ACAD9: variants seen among roughly 807,000 people sequenced by gnomAD.
The protein encoded by ACAD9 is acyl-CoA dehydrogenase family member 9.
In ACAD9, 53 loss-of-function variants were observed where a neutral mutation model predicts 70.2. The ratio of observed to expected loss-of-function variants is 0.75; its 90% CI spans 0.61 to 0.95. The LOEUF (loss-of-function observed/expected upper bound fraction) is 0.95. ACAD9 is among the 40% of genes least tolerant of loss of function. ACAD9 has a pLI of 0.00. For synonymous variants in ACAD9, 313 were observed against 312.1 expected, an observed-to-expected ratio of 1.00 and a Z score of -0.03; for missense variants, 777 against 802.8, an observed-to-expected ratio of 0.97 and a Z score of 0.39.
intron 13 of ACAD9, chr3:128,908,582 T>C (rs2093887940): frequency 1.8e-6 from 1 of 555,886 alleles, no homozygotes; most frequent in African/African-American, 1.9e-5. Context: ...GTGCCAGGCC[T>C]CACAGCCAAC....
rs1576345991 is a variant in ACAD9, at chr3:128,906,226, A to C, written c.1255A>C (p.Thr419Pro). Residue 419 changes from threonine (T) to proline (P), a missense_variant, in exon 12 of 18, where the codon ACC (threonine) becomes CCC (proline). Thr to Pro is a conservative substitution (Grantham distance 38, BLOSUM62 -1). Transcript: ENST00000308982. ...DYPYERILRDTRILLIFEGTN... is the reference protein window; with the variant it reads ...DYPYERILRDPRILLIFEGTN... ...TCCGTACGAGCGCATACTGCGTGACACCCGCATCCTCCTCATCTTCGAGGT... is the reference window on the plus strand; with the variant it reads ...TCCGTACGAGCGCATACTGCGTGACCCCCGCATCCTCCTCATCTTCGAGGT... 6.2e-7 allele frequency: 1 copy of C among 1,613,994 alleles called. No homozygotes were observed. The highest frequency in any genetic ancestry group is 8.5e-7 in the Non-Finnish European group (1 of 1,179,984).
chr3:128,905,519 A>G (rs2107658949), intron 11 of ACAD9, among the ~76,000 whole-genome samples: 1 of 152,336 alleles, frequency 6.6e-6, no homozygotes, highest in Non-Finnish European at 1.5e-5. Context: ...GAGTCTACCT[A>G]AAAGGTTGGG....
chr3:128,903,523 G>A (rs756717859), intron 9 of ACAD9, among the ~76,000 whole-genome samples: 69 of 152,174 alleles, frequency 4.5e-4, no homozygotes, highest in Non-Finnish European at 7.6e-4. Context: ...TGGCGGGGCG[G>A]GGGTGCTTCT....
chr3:128,880,073 C>G, intron 1 of ACAD9: 1 of 1,487,076 alleles, frequency 6.7e-7, no homozygotes, highest in South Asian at 1.2e-5. Context: ...CGTGTTCCAG[C>G]TAAATTTTGT....
In ACAD9 at chr3:128,879,859, C is replaced by T. The variant is rs1195485176; in HGVS notation, c.150+18C>T. The T allele has an allele frequency of 1.1e-5, 17 of 1,613,872 alleles. No individual in the cohort carries two copies. The highest frequency in any genetic ancestry group is 1.4e-5 in the Non-Finnish European group (16 of 1,180,012). The stretch of plus-strand genomic sequence containing the variant: ...TCAAGAAGGTAACGCGAGCCCTGGG[C>T]GAACCCTTGCTGTCTGGCTCCCGCT... On this transcript the variant is annotated intron_variant, in intron 1 of 17. Coordinates refer to ENST00000308982, the MANE Select transcript of ACAD9 (RefSeq NM_014049.5).
In ACAD9 at chr3:128,902,738, GC is replaced by G; in HGVS notation, c.958+111del. 8.0e-7 allele frequency: 1 copy of G among 1,251,746 alleles called. No individual in the cohort carries two copies. The highest frequency in any genetic ancestry group is 1.1e-6 in the Non-Finnish European group (1 of 873,822). 77.5% of individuals were successfully genotyped at this position (1,251,746 alleles called of 1,614,324 possible). A position where few individuals can be genotyped will look rare whatever the true frequency, so the allele number is the denominator to read the frequency against. On this transcript the variant is annotated intron_variant, in intron 9 of 17. Transcript: ENST00000308982. The surrounding 1 kb of genome is among the most constrained non-coding windows in gnomAD (Gnocchi z 4.0). ...CCCTTCCAGGCCAGTGCTGAACCAG[GC>G]TACCAGCCTGAGCTCAGTCCCTGGG...
chr3:128,887,427 G>T lies in ACAD9; in HGVS notation c.244+2681G>T, dbSNP rs540161095. Among the ~76,000 whole-genome samples the T allele has an allele frequency of 3.3e-5, 5 of 151,868 alleles. No homozygotes were observed. The East Asian group carries it at 9.7e-4, about 29-fold the overall frequency. On this transcript the variant is annotated intron_variant, in intron 2 of 17. Coordinates refer to ENST00000308982, the MANE Select transcript of ACAD9 (RefSeq NM_014049.5). ...TTGAGACCAGCCTAGGCAATGGAGC[G>T]AAACCCTGTCTCTACTAAAAATTTA...
intron 2 of ACAD9, among the ~76,000 whole-genome samples, chr3:128,891,252 C>T (rs1410829001): frequency 1.3e-5 from 2 of 152,174 alleles, no homozygotes; most frequent in African/African-American, 4.8e-5. Flanking sequence ...CATTGCTCTT[C>T]TGTGGGAAGG....
At chr3:128,886,478 G>T (rs1935252336) in intron 2 of ACAD9, among the ~76,000 whole-genome samples, 1 of 152,000 alleles carries the variant, frequency 6.6e-6, no homozygotes, top group South Asian at 2.1e-4. Context: ...GGAGACTGAG[G>T]TGGGTGGATC....
At chr3:128,912,418 G>A in intron 17 of ACAD9, 89 bp from the exon 18 acceptor site, 1 of 1,199,160 alleles carries the variant, frequency 8.3e-7, no homozygotes, top group Non-Finnish European at 1.2e-6. Flanking sequence ...TGGGTGGGCT[G>A]ACTTTGTGGA....
Position 128,890,839 on chromosome 3 carries a change from A to G in ACAD9, c.245-2716A>G, listed in dbSNP as rs912768655. Among the ~76,000 whole-genome samples the G allele has an allele frequency of 2.7e-5, 4 of 148,720 alleles. No individual in the cohort carries two copies. In the East Asian group the frequency reaches 7.8e-4, roughly 29 times the overall value. On this transcript the variant is annotated intron_variant, in intron 2 of 17. Coordinates refer to ENST00000308982, the MANE Select transcript of ACAD9 (RefSeq NM_014049.5). ...CTTAAATGGTTGGTTTATCTTTTAGAGCAATTTTTTTTTTTTTTTTGAGAC... is the reference window on the plus strand; with the variant it reads ...CTTAAATGGTTGGTTTATCTTTTAGGGCAATTTTTTTTTTTTTTTTGAGAC...
rs1935834278 is a variant in ACAD9, at chr3:128,904,580, C to T, written c.1149+75C>T. The stretch of plus-strand genomic sequence containing the variant: ...TCTCCCTCACTGTGACCTTTCAAGC[C>T]CATGCTGTTGCCTGTCATCTTCCTC... On this transcript the variant is annotated intron_variant, in intron 11 of 17. Transcript: ENST00000308982. 4 of 1,560,180 alleles carry T rather than the reference C, an allele frequency of 2.6e-6. No individual in the cohort carries two copies. In the East Asian group the frequency reaches 7.1e-5, roughly 28 times the overall value.
intron 2 of ACAD9, among the ~76,000 whole-genome samples, chr3:128,890,845 T>A (rs1288728232): frequency 2.7e-5 from 4 of 148,460 alleles, no homozygotes; most frequent in Non-Finnish European, 4.5e-5. Flanking sequence ...TTAGAGCAAT[T>A]TTTTTTTTTT....
chr3:128,910,045 C>G lies in ACAD9; in HGVS notation c.1588C>G (p.Leu530Val). The change falls in exon 16 of 18, where the codon CTG becomes GTG. Residue 530 changes from leucine (L) to valine (V), a missense_variant. Physicochemically the swap from Leu to Val is conservative, Grantham distance 32. Transcript: ENST00000308982. ...GACCATCATGGAGGAGCAGCTGGTACTGAAGCGGGTGGCCAACATCCTCAT... is the reference window on the plus strand; with the variant it reads ...GACCATCATGGAGGAGCAGCTGGTAGTGAAGCGGGTGGCCAACATCCTCAT... ...GKTIMEEQLV[L>V]KRVANILINL... is the part of the protein sequence containing the mutation. The G allele has an allele frequency of 6.2e-7, 1 of 1,613,858 alleles. No homozygotes were observed. Among genetic ancestry groups the G allele is most frequent in the Non-Finnish European group, 8.5e-7 (1 of 1,179,982 alleles).
intron 13 of ACAD9, 98 bp from the exon 14 acceptor site, chr3:128,908,875 G>C: frequency 1.3e-6 from 2 of 1,589,962 alleles, no homozygotes; most frequent in Non-Finnish European, 1.7e-6. Context: ...CCAGGCCAGA[G>C]GGGGGCACGG....
At position 128,902,535 on chromosome 3, in the gene ACAD9, T is replaced by C; in HGVS notation, c.883-18T>C. ...TGCCTCCTTCAGGGCCCCTGGGCTC[T>C]CCCTGTTCTCCCTGCAGGTGGCCAT... On this transcript the variant is annotated intron_variant, in intron 8 of 17. Transcript: ENST00000308982. This position sits in a 1 kb window ranked among gnomAD's most constrained non-coding sequence, Gnocchi z 4.0. The C allele has an allele frequency of 6.2e-7, 1 of 1,614,116 alleles. No homozygotes were observed. The highest frequency in any genetic ancestry group is 1.1e-5 in the South Asian group (1 of 91,082).
chr3:128,907,514 G>A (rs1935928767), intron 12 of ACAD9, among the ~76,000 whole-genome samples: 1 of 152,282 alleles, frequency 6.6e-6, no homozygotes, highest in South Asian at 2.1e-4. Flanking sequence ...GGGTGGTCCT[G>A]CCAGGAGGCC....
intron 13 of ACAD9, 96 bp from the exon 14 acceptor site, chr3:128,908,877 G>A (rs1195521158): frequency 6.3e-7 from 1 of 1,593,892 alleles, no homozygotes; most frequent in East Asian, 2.2e-5. Flanking sequence ...AGGCCAGAGG[G>A]GGGCACGGAG....
Position 128,902,687 on chromosome 3 carries a change from C to G in ACAD9, c.958+59C>G. The G allele has an allele frequency of 1.9e-6, 3 of 1,570,546 alleles. No homozygotes were observed. The South Asian group carries it at 3.4e-5, about 18-fold the overall frequency. On this transcript the variant is annotated intron_variant, in intron 9 of 17. Coordinates refer to ENST00000308982, the MANE Select transcript of ACAD9 (RefSeq NM_014049.5). This position sits in a 1 kb window ranked among gnomAD's most constrained non-coding sequence, Gnocchi z 4.0. ...CACCCCCTGCTGCCCCGGCTCCAAC[C>G]CTGGAGGCTCTGCCATTCCCCCGGC...
Sources: allele counts gnomAD v4.1 joint callset (sites outside exome capture counted in the v4.1 genomes callset), GRCh38; gene constraint gnomAD v4.1.1; non-coding constraint Gnocchi (gnomAD v3.1); transcripts MANE v1.5; gene names NCBI Gene and HGNC (gene_info 2026-07-23, HGNC 2026-07-21).